Variants in KCNIP4 observed in about 807,000 individuals in gnomAD.
KCNIP4 encodes the protein potassium voltage-gated channel interacting protein 4.
In KCNIP4, 12 loss-of-function variants were observed where a neutral mutation model predicts 34.0. The ratio of observed to expected loss-of-function variants is 0.35; its 90% CI spans 0.23 to 0.57. KCNIP4 has a LOEUF of 0.57. Among genes scored for constraint, KCNIP4 ranks in the 20% least tolerant of loss-of-function variants. The probability of loss-of-function intolerance (pLI) is 0.83; values close to 1 mark genes in which losing one functional copy is unlikely to be tolerated. For missense variants in KCNIP4, 238 were observed against 311.7 expected (o/e 0.76, Z 1.78); for synonymous variants, 124 against 102.2 (o/e 1.21, Z -1.29).
Position 21,628,961 on chromosome 4 carries a change from C to T in KCNIP4, c.61+319610G>A, listed in dbSNP as rs142343765. Among the ~76,000 whole-genome samples the T allele has an allele frequency of 7.2e-5, 11 of 152,158 alleles. No homozygotes were observed. In the East Asian group the frequency reaches 2.1e-3, roughly 29 times the overall value. ...ACAAATATGTGGTTTTGTGGAAAAT[C>T]TGAAGTACAAAAGTATATACATTTA... On this transcript the variant is annotated intron_variant, in intron 1 of 8. Transcript: ENST00000382152.
intron 1 of KCNIP4, among the ~76,000 whole-genome samples, chr4:21,910,211 T>C (rs1728227772): frequency 6.6e-6 from 1 of 151,972 alleles, no homozygotes; most frequent in African/African-American, 2.4e-5. Context: ...TAATATCCAA[T>C]CTTCTCTTCC....
At chr4:21,076,727 A>T (rs1745521258) in intron 1 of KCNIP4, among the ~76,000 whole-genome samples, 1 of 152,160 alleles carries the variant, frequency 6.6e-6, no homozygotes. Flanking sequence ...TGATGGTGTG[A>T]GCAGTAGTGG....
chr4:20,959,984 A>G (rs1489994911), intron 1 of KCNIP4, among the ~76,000 whole-genome samples: 1 of 152,216 alleles, frequency 6.6e-6, no homozygotes, highest in Non-Finnish European at 1.5e-5. Flanking sequence ...CCATTATTTC[A>G]TTTTTAATAT....
chr4:20,825,470 G>A (rs1007112353), intron 3 of KCNIP4, among the ~76,000 whole-genome samples: 1 of 152,138 alleles, frequency 6.6e-6, no homozygotes, highest in Non-Finnish European at 1.5e-5. Context: ...AAAAGAAGGA[G>A]TCAAGAATGA....
At chr4:21,776,993 G>C (rs1719224500) in intron 1 of KCNIP4, among the ~76,000 whole-genome samples, 1 of 152,056 alleles carries the variant, frequency 6.6e-6, no homozygotes, top group East Asian at 1.9e-4. Context: ...GGCTGGTCTT[G>C]AACTCCTGAC....
chr4:21,652,734 C>T (rs1747600943), intron 1 of KCNIP4, among the ~76,000 whole-genome samples: 1 of 152,080 alleles, frequency 6.6e-6, no homozygotes, highest in African/African-American at 2.4e-5. Context: ...CAAAAGATCA[C>T]CAAAGAGATC....
chr4:21,036,554 G>T (rs569568514), intron 1 of KCNIP4, among the ~76,000 whole-genome samples: 1 of 152,256 alleles, frequency 6.6e-6, no homozygotes, highest in South Asian at 2.1e-4. Flanking sequence ...GGAAGCAAAT[G>T]AGTCTTAAAA....
intron 1 of KCNIP4, among the ~76,000 whole-genome samples, chr4:21,824,850 G>C (rs1722578868): frequency 6.6e-6 from 1 of 152,254 alleles, no homozygotes; most frequent in African/African-American, 2.4e-5. Flanking sequence ...TCAATCAACA[G>C]CAAGATATGT....
At chr4:21,860,770 T>C (rs1415880303) in intron 1 of KCNIP4, among the ~76,000 whole-genome samples, 1 of 152,214 alleles carries the variant, frequency 6.6e-6, no homozygotes. Context: ...ACATAGCCTA[T>C]GTAGTTGTAT....
chr4:21,538,864 C>T (rs986614431), intron 1 of KCNIP4, among the ~76,000 whole-genome samples: 1 of 152,176 alleles, frequency 6.6e-6, no homozygotes, highest in African/African-American at 2.4e-5. Flanking sequence ...AAACAGCTCT[C>T]TGATGTGGTT....
intron 1 of KCNIP4, among the ~76,000 whole-genome samples, chr4:21,559,484 A>G (rs780864407): frequency 6.6e-5 from 10 of 152,118 alleles, no homozygotes; most frequent in African/African-American, 9.7e-5. Flanking sequence ...CCATTCAAGG[A>G]CTAATTGATG....
intron 3 of KCNIP4, among the ~76,000 whole-genome samples, chr4:20,813,469 T>C (rs1231649003): frequency 6.6e-6 from 1 of 152,150 alleles, no homozygotes; most frequent in African/African-American, 2.4e-5. Flanking sequence ...ACTCATACAA[T>C]ATGTTTTTGC....
rs868629925 is a variant in KCNIP4 at position 20,732,179 on chromosome 4, C to A, written c.643-111G>T. On this transcript the variant is annotated intron_variant, in intron 7 of 8. Transcript: ENST00000382152. Reference sequence around the variant, plus strand: ...AGAAAACCTAGCTGCTTATTTATTTCACGTGGAGGAACTGTTTCAGAGCAG... The same window carrying A: ...AGAAAACCTAGCTGCTTATTTATTTAACGTGGAGGAACTGTTTCAGAGCAG... The A allele has an allele frequency of 1.4e-5, 10 of 727,036 alleles. No homozygotes were observed. The Middle Eastern group carries it at 1.9e-3, about 139-fold the overall frequency. 45.0% of individuals were successfully genotyped at this position (727,036 alleles called of 1,614,324 possible).
chr4:20,753,591 C>A (rs1453354638), intron 4 of KCNIP4, among the ~76,000 whole-genome samples: 3 of 152,108 alleles, frequency 2.0e-5, no homozygotes, highest in African/African-American at 7.2e-5. Flanking sequence ...TTCCCACACC[C>A]CTACTCCCAT....
chr4:21,059,261 C>A (rs988935023), intron 1 of KCNIP4, among the ~76,000 whole-genome samples: 7 of 152,172 alleles, frequency 4.6e-5, no homozygotes, highest in African/African-American at 1.7e-4. Context: ...ACTTTTTCCT[C>A]TGAGCAATTG....
chr4:20,852,760 T>C (rs1721168732), intron 2 of KCNIP4, among the ~76,000 whole-genome samples: 1 of 152,176 alleles, frequency 6.6e-6, no homozygotes, highest in African/African-American at 2.4e-5. Flanking sequence ...CTAGAACTGA[T>C]AAAAGAATTC....
chr4:21,072,050 C>T (rs1744991168), intron 1 of KCNIP4, among the ~76,000 whole-genome samples: 1 of 152,164 alleles, frequency 6.6e-6, no homozygotes, highest in Non-Finnish European at 1.5e-5. Flanking sequence ...CATTGATGGA[C>T]ATTTGGGTTG....
intron 1 of KCNIP4, among the ~76,000 whole-genome samples, chr4:20,969,991 G>A (rs916162853): frequency 1.3e-5 from 2 of 151,636 alleles, no homozygotes; most frequent in Admixed American, 6.6e-5. Flanking sequence ...CCCCAGGCTG[G>A]AGTGCAGTTG....
intron 1 of KCNIP4, among the ~76,000 whole-genome samples, chr4:21,778,785 T>A (rs2323107): frequency 6.6e-6 from 1 of 152,078 alleles, no homozygotes; most frequent in Non-Finnish European, 1.5e-5. Context: ...AATAATAACA[T>A]CAACTAAATT....
Sources: gnomAD v4.1 joint callset for allele counts (sites outside exome capture counted in the v4.1 genomes callset) on GRCh38, gnomAD v4.1.1 for gene constraint, MANE v1.5 for transcripts, NCBI Gene and HGNC (gene_info 2026-07-23, HGNC 2026-07-21) for gene names.